OR5K1: variants seen among roughly 807,000 people sequenced by gnomAD.
The protein encoded by OR5K1 is olfactory receptor family 5 subfamily K member 1.
A neutral mutation model predicts 10.4 loss-of-function variants in OR5K1; 7 were observed. That is an observed-to-expected ratio of 0.67 (90% CI 0.38 to 1.26). The LOEUF (loss-of-function observed/expected upper bound fraction) is 1.26. Ranked by LOEUF, OR5K1 falls within the 50% of genes most tolerant of loss-of-function variation. The pLI is 0.02. For synonymous variants in OR5K1, 135 were observed against 128.5 expected (o/e 1.05, Z -0.34); for missense variants, 435 against 366.2 (o/e 1.19, Z -1.53).
At chr3:98,466,884 G>T (rs1705382255) in intron 1 of OR5K1, among the ~76,000 whole-genome samples, 1 of 120,174 alleles carries the variant, frequency 8.3e-6, no homozygotes, top group Non-Finnish European at 1.7e-5. Context: ...CTTTTGCTGT[G>T]CAGAAGCTCT....
chr3:98,463,615 A>C lies in OR5K1; in HGVS notation c.-12+308A>C, dbSNP rs143958997. On this transcript the variant is annotated intron_variant, in intron 1 of 1. Transcript: ENST00000642057. ...TTTGAATAATGTAGTTTGTCCTATT[A>C]CTTATAAACTTGATGAAATGAATTA... Among the ~76,000 whole-genome samples the C allele has an allele frequency of 3.3e-5, 5 of 150,802 alleles. No homozygotes were observed. In the East Asian group the frequency reaches 9.8e-4, roughly 30 times the overall value.
chr3:98,464,151 T>G (rs1294036571), intron 1 of OR5K1, among the ~76,000 whole-genome samples: 1 of 151,928 alleles, frequency 6.6e-6, no homozygotes, highest in Non-Finnish European at 1.5e-5. Flanking sequence ...TCATACTTGG[T>G]AGGCAGAGGC....
At chr3:98,464,425 C>A (rs1296948124) in intron 1 of OR5K1, among the ~76,000 whole-genome samples, 1 of 152,074 alleles carries the variant, frequency 6.6e-6, no homozygotes, top group African/African-American at 2.4e-5. Flanking sequence ...CAATGAATAT[C>A]CAGAAAACTG....
intron 1 of OR5K1, among the ~76,000 whole-genome samples, chr3:98,463,904 A>C (rs938917356): frequency 2.0e-5 from 3 of 152,190 alleles, no homozygotes; most frequent in Non-Finnish European, 2.9e-5. Flanking sequence ...AAGGCAGTTA[A>C]TGAAAAAGTT....
chr3:98,470,267 A>G lies in OR5K1; in HGVS notation c.691A>G (p.Lys231Glu). ...ILLTIFKMKS[K>E]EGRAKAFSTC... ...TCTTACTATTTTCAAAATGAAATCC[A>G]AAGAGGGAAGGGCCAAAGCTTTTTC... Residue 231 changes from lysine to glutamate, a missense_variant, in exon 2 of 2, where the codon AAA (lysine) becomes GAA (glutamate). Lys to Glu is a moderately conservative substitution (Grantham distance 56). Coordinates refer to ENST00000642057, the MANE Select transcript of OR5K1 (RefSeq NM_001004736.4). 6.2e-7 allele frequency: 1 copy of G among 1,613,274 alleles called. No homozygotes were observed. Among genetic ancestry groups the G allele is most frequent in the Non-Finnish European group, 8.5e-7 (1 of 1,179,520 alleles).
At chr3:98,465,815 T>G (rs1576236516) in intron 1 of OR5K1, among the ~76,000 whole-genome samples, 1 of 152,108 alleles carries the variant, frequency 6.6e-6, no homozygotes, top group Non-Finnish European at 1.5e-5. Context: ...AATATCCTAT[T>G]TATTCCAGTC....
chr3:98,472,229 G>C lies in OR5K1; in HGVS notation c.*1726G>C, dbSNP rs35662248. ...ATTTATCCAACCCACAAGGCTTTGG[G>C]TTGGCTGGCTCTCTCTCTCTTACTC... On this transcript the variant is annotated 3_prime_UTR_variant, in exon 2 of 2. Coordinates refer to ENST00000642057, the MANE Select transcript of OR5K1 (RefSeq NM_001004736.4). 52,812 of 144,222 alleles carry C rather than the reference G, an allele frequency of 0.37. 9,313 individuals carry two copies. The highest frequency in any genetic ancestry group is 0.47 in the Middle Eastern group (139 of 294). 8.9% of individuals were successfully genotyped at this position (144,222 alleles called of 1,614,324 possible).
intron 1 of OR5K1, chr3:98,469,357 T>A (rs775516197): frequency 2.1e-5 from 12 of 572,440 alleles, no homozygotes; most frequent in Non-Finnish European, 3.7e-5. Flanking sequence ...AAAATGATTT[T>A]AAAAGGTACT....
At chr3:98,463,526 T>C (rs1705336357) in intron 1 of OR5K1, among the ~76,000 whole-genome samples, 1 of 152,152 alleles carries the variant, frequency 6.6e-6, no homozygotes, top group Non-Finnish European at 1.5e-5. Context: ...TAAATTTATA[T>C]CAAGAGATAA....
chr3:98,469,575 G>A lies in OR5K1; in HGVS notation c.-2G>A. 1 of 1,606,886 alleles carries A rather than the reference G, an allele frequency of 6.2e-7. No individual in the cohort carries two copies. The highest frequency in any genetic ancestry group is 8.5e-7 in the Non-Finnish European group (1 of 1,175,568). Reference sequence around the variant, plus strand: ...CACAATTTTTTTTCAGACAAGTCAGGAATGGCTGAAGAAAATCATACCATG... The same window carrying A: ...CACAATTTTTTTTCAGACAAGTCAGAAATGGCTGAAGAAAATCATACCATG... On this transcript the variant is annotated 5_prime_UTR_variant, in exon 2 of 2. Coordinates refer to ENST00000642057, the MANE Select transcript of OR5K1 (RefSeq NM_001004736.4).
Position 98,469,681 on chromosome 3 carries a change from T to G in OR5K1, c.105T>G (p.Tyr35Ter). The change falls in exon 2 of 2, where the codon TAT becomes TAG. Residue 35 changes from tyrosine (Y) to a stop codon, truncating the protein, a stop_gained. Coordinates refer to ENST00000642057, the MANE Select transcript of OR5K1 (RefSeq NM_001004736.4). LOFTEE classifies it low-confidence loss of function (END_TRUNC). ...TGTTTGTGGTGTTCTTTGCCATCTA[T>G]CTGATCACCGTGGTGGGGAATATTA... is the stretch of plus-strand genomic sequence containing the variant. ...TLLFVVFFAI[Y>*]LITVVGNISL... 6.2e-7 allele frequency: 1 copy of G among 1,613,740 alleles called. No homozygotes were observed. Among genetic ancestry groups the G allele is most frequent in the Non-Finnish European group, 8.5e-7 (1 of 1,179,778 alleles).
At chr3:98,466,056 ACC>A (rs1705371760) in intron 1 of OR5K1, among the ~76,000 whole-genome samples, 1 of 151,584 alleles carries the variant, frequency 6.6e-6, no homozygotes, top group African/African-American at 2.4e-5. Flanking sequence ...CGGTCCCCCG[ACC>A]CCACCACAGT....
rs1220653594 is a variant in OR5K1, at chr3:98,469,927, A to G, written c.351A>G (p.Ala117=). 1.2e-6 allele frequency: 2 copies of G among 1,613,780 alleles called. No homozygotes were observed. Among genetic ancestry groups the G allele is most frequent in the Non-Finnish European group, 8.5e-7 (1 of 1,179,810 alleles). ...CTGCAGACTGCTTTCTTCTGGCAGCAATGGCCTATGACCGCTATGTGGCCA... is the reference window on the plus strand; with the variant it reads ...CTGCAGACTGCTTTCTTCTGGCAGCGATGGCCTATGACCGCTATGTGGCCA... The part of the protein sequence containing the change: ...VETADCFLLA[A]MAYDRYVAIC... The change falls in exon 2 of 2, where the codon GCA becomes GCG. Residue 117 remains alanine, a synonymous_variant. Coordinates refer to ENST00000642057, the MANE Select transcript of OR5K1 (RefSeq NM_001004736.4).
chr3:98,468,174 C>T lies in OR5K1; in HGVS notation c.-11-1392C>T, dbSNP rs537279928. ...CTCCTCCCCACTTCCGTCCACATTC[C>T]TTTTCCTCCCCACCCCAGAGGGGTA... On this transcript the variant is annotated intron_variant, in intron 1 of 1. Coordinates refer to ENST00000642057, the MANE Select transcript of OR5K1 (RefSeq NM_001004736.4). Among the ~76,000 whole-genome samples, 206 of 152,104 alleles carry T rather than the reference C, an allele frequency of 1.4e-3. 1 individual carries two copies. The highest frequency in any genetic ancestry group is 3.7e-3 in the South Asian group (18 of 4,812).
chr3:98,469,870 A>G lies in OR5K1; in HGVS notation c.294A>G (p.Ala98=), dbSNP rs569609554. The G allele has an allele frequency of 6.2e-7, 1 of 1,613,800 alleles. No homozygotes were observed. Among genetic ancestry groups the G allele is most frequent in the Non-Finnish European group, 8.5e-7 (1 of 1,179,800 alleles). The change falls in exon 2 of 2, where the codon GCA becomes GCG. Residue 98 remains alanine, a synonymous_variant. Coordinates refer to ENST00000642057, the MANE Select transcript of OR5K1 (RefSeq NM_001004736.4). ...AAAGGATTTCCCTCTATGAATGTGC[A>G]GTACAGTTTTATTTTCTTTGCACTG... is the stretch of plus-strand genomic sequence containing the variant. The part of the protein sequence containing the change: ...ENKRISLYEC[A]VQFYFLCTVE...
rs762575382 is a variant in OR5K1 at position 98,470,331 on chromosome 3, A to G, written c.755A>G (p.Tyr252Cys). The part of the protein sequence containing the change: ...ASHFLSVSLF[Y>C]GSLFFMYVRP... Reference sequence around the variant, plus strand: ...CACTTTTTGTCAGTTTCATTATTCTATGGATCTCTTTTCTTCATGTACGTT... The same window carrying G: ...CACTTTTTGTCAGTTTCATTATTCTGTGGATCTCTTTTCTTCATGTACGTT... The change falls in exon 2 of 2, where the codon TAT (tyrosine) becomes TGT (cysteine). Residue 252 changes from tyrosine to cysteine, a missense_variant. Physicochemically the swap from Tyr to Cys is radical, Grantham distance 194. Transcript: ENST00000642057. 1.9e-6 allele frequency: 3 copies of G among 1,613,288 alleles called. No individual in the cohort carries two copies. Among genetic ancestry groups the G allele is most frequent in the South Asian group, 2.2e-5 (2 of 91,058 alleles).
intron 1 of OR5K1, among the ~76,000 whole-genome samples, chr3:98,466,041 C>T (rs1019850876): frequency 4.4e-4 from 67 of 152,078 alleles, no homozygotes; most frequent in African/African-American, 1.5e-3. Context: ...AATGCTATCC[C>T]TCCCCGGTCC....
chr3:98,464,464 T>C (rs1705347264), intron 1 of OR5K1, among the ~76,000 whole-genome samples: 1 of 152,112 alleles, frequency 6.6e-6, no homozygotes, highest in Admixed American at 6.6e-5. Flanking sequence ...GGAGGGTCAG[T>C]CAACCTTTCA....
Position 98,470,024 on chromosome 3 carries a change from A to T in OR5K1, c.448A>T (p.Ile150Leu). The T allele has an allele frequency of 2.5e-6, 4 of 1,613,664 alleles. No homozygotes were observed. Among genetic ancestry groups the T allele is most frequent in the Non-Finnish European group, 3.4e-6 (4 of 1,179,770 alleles). The change falls in exon 2 of 2, where the codon ATA (isoleucine) becomes TTA (leucine). Residue 150 changes from isoleucine (I) to leucine (L), a missense_variant. By Grantham distance (5) the Ile-to-Leu change is conservative. Coordinates refer to ENST00000642057, the MANE Select transcript of OR5K1 (RefSeq NM_001004736.4). ...CATTCAGATGACCACAGGGGCCTTC[A>T]TAGCTGGAAACCTGCATTCCATGAT... ...LCIQMTTGAF[I>L]AGNLHSMIHV... is the part of the protein sequence containing the mutation.
Sources: gnomAD v4.1 joint callset for allele counts (sites outside exome capture counted in the v4.1 genomes callset) on GRCh38, gnomAD v4.1.1 for gene constraint, MANE v1.5 for transcripts, NCBI Gene and HGNC (gene_info 2026-07-23, HGNC 2026-07-21) for gene names.